RABGAP1L: variants seen among roughly 807,000 people sequenced by gnomAD.
RABGAP1L encodes rab GTPase-activating protein 1-like.
A neutral mutation model predicts 137.7 loss-of-function variants in RABGAP1L; 63 were observed. The observed-to-expected ratio is 0.46, with a 90% CI of 0.37 to 0.56. The LOEUF is 0.56. Among genes scored for constraint, RABGAP1L ranks in the 20% least tolerant of loss-of-function variants. The probability of loss-of-function intolerance (pLI) is 0.00; values close to 1 mark genes in which losing one functional copy is unlikely to be tolerated. For missense variants in RABGAP1L, 1,095 were observed against 1,244.0 expected (o/e 0.88, Z 1.80); for synonymous variants, 431 against 433.7 (o/e 0.99, Z 0.08).
chr1:174,246,939 G>A (rs908136709), intron 5 of RABGAP1L, among the ~76,000 whole-genome samples: 4 of 152,216 alleles, frequency 2.6e-5, no homozygotes, highest in African/African-American at 9.6e-5. Flanking sequence ...CAGCTTGTAA[G>A]ACATAGTATT....
Position 174,834,274 on chromosome 1 carries a change from A to C in RABGAP1L, c.2340+22314A>C, listed in dbSNP as rs1470164765. ...AAACCCTCTCTCTACTAAAAATACA[A>C]AATTAGCAGGGTGTGGTGGCACACG... On this transcript the variant is annotated intron_variant, in intron 19 of 25. Transcript: ENST00000681986. Among the ~76,000 whole-genome samples the C allele has an allele frequency of 2.0e-5, 3 of 152,030 alleles. No individual in the cohort carries two copies. In the East Asian group the frequency reaches 5.8e-4, roughly 29 times the overall value.
At chr1:174,227,901 G>A (rs116652541) in intron 3 of RABGAP1L, among the ~76,000 whole-genome samples, 299 of 149,164 alleles carry the variant, frequency 2.0e-3, no homozygotes, top group African/African-American at 7.1e-3. Context: ...AAATTAAAGA[G>A]CAAGGAATAG....
intron 19 of RABGAP1L, among the ~76,000 whole-genome samples, chr1:174,892,044 A>ACTTT: frequency 6.6e-6 from 1 of 152,364 alleles, no homozygotes; most frequent in South Asian, 2.1e-4. Context: ...AGTGGGCCAC[A>ACTTT]GTCCGGGTGG....
At chr1:174,853,877 GCT>G (rs752483900) in intron 19 of RABGAP1L, among the ~76,000 whole-genome samples, 2 of 152,164 alleles carry the variant, frequency 1.3e-5, no homozygotes, top group African/African-American at 4.8e-5. Context: ...GTCATGTTTG[GCT>G]CTCTCTGCAT....
chr1:174,373,557 T>C (rs758478763), intron 12 of RABGAP1L, among the ~76,000 whole-genome samples: 2 of 152,160 alleles, frequency 1.3e-5, no homozygotes, highest in African/African-American at 4.8e-5. Flanking sequence ...AGCTAGTGTT[T>C]AGAAAGAACT....
chr1:174,647,848 G>T (rs1183188873), intron 14 of RABGAP1L, among the ~76,000 whole-genome samples: 1 of 151,966 alleles, frequency 6.6e-6, no homozygotes, highest in Non-Finnish European at 1.5e-5. Flanking sequence ...GGCTTTATTT[G>T]GTTGGTAGGC....
chr1:174,824,672 G>A lies in RABGAP1L; in HGVS notation c.2340+12712G>A, dbSNP rs188499774. On this transcript the variant is annotated intron_variant, in intron 19 of 25. Coordinates refer to ENST00000681986, the MANE Select transcript of RABGAP1L (RefSeq NM_001366446.1). The stretch of plus-strand genomic sequence containing the variant: ...AATATAATTATATTAGATTTACTGA[G>A]TAATTTTTCATATTTTCATTTCTCC... Among the ~76,000 whole-genome samples, 453 of 152,168 alleles carry A rather than the reference G, an allele frequency of 3.0e-3. 1 individual carries two copies. The highest frequency in any genetic ancestry group is 0.01 in the African/African-American group (419 of 41,514).
chr1:174,416,359 A>T (rs924952742), intron 13 of RABGAP1L, among the ~76,000 whole-genome samples: 1 of 152,062 alleles, frequency 6.6e-6, no homozygotes, highest in African/African-American at 2.4e-5. Flanking sequence ...CTTGGACTCC[A>T]TCTTGTAGCA....
At chr1:174,704,513 T>C (rs1246207877) in intron 17 of RABGAP1L, among the ~76,000 whole-genome samples, 1 of 152,256 alleles carries the variant, frequency 6.6e-6, no homozygotes, top group South Asian at 2.1e-4. Context: ...TTTGTAAGCA[T>C]GTAAGAGTTT....
chr1:174,569,758 C>G (rs1667846323), intron 13 of RABGAP1L, among the ~76,000 whole-genome samples: 1 of 152,226 alleles, frequency 6.6e-6, no homozygotes, highest in Non-Finnish European at 1.5e-5. Flanking sequence ...TGTATTTTCT[C>G]AGCTTTCTTG....
At chr1:174,394,235 T>C (rs1647540328) in intron 13 of RABGAP1L, 90 bp downstream of exon 13, 1 of 1,454,852 alleles carries the variant, frequency 6.9e-7, no homozygotes, top group Admixed American at 2.1e-5. Context: ...ATAAATGCTT[T>C]GAACTTCTTC....
At chr1:174,804,551 G>A (rs1689085827) in intron 18 of RABGAP1L, among the ~76,000 whole-genome samples, 1 of 152,154 alleles carries the variant, frequency 6.6e-6, no homozygotes, top group East Asian at 1.9e-4. Flanking sequence ...GAGCTCAAGC[G>A]ATCTCTCCAG....
intron 14 of RABGAP1L, among the ~76,000 whole-genome samples, chr1:174,668,465 T>A (rs1676942268): frequency 1.3e-5 from 2 of 152,220 alleles, no homozygotes; most frequent in African/African-American, 4.8e-5. Context: ...CTGAGTAGTA[T>A]TCCATTGTAT....
rs760181639 is a variant in RABGAP1L, at chr1:174,833,449, G to GATATATATATATATATATATATATAT, written c.2340+21508_2340+21509insTATATATATATATATATATATATATA. Among the ~76,000 whole-genome samples, 235 of 27,756 alleles carry GATATATATATATATATATATATATAT rather than the reference G, an allele frequency of 8.5e-3. 13 individuals carry two copies. Among genetic ancestry groups the GATATATATATATATATATATATATAT allele is most frequent in the African/African-American group, 0.012 (189 of 15,148 alleles). 18.2% of individuals were successfully genotyped at this position (27,756 alleles called of 152,430 possible). A position where few individuals can be genotyped will look rare whatever the true frequency, so the allele number is the denominator to read the frequency against. Reference sequence around the variant, plus strand: ...ATATATATATGTGTGTGTGTGTAGAGATATATATATATATATATAGTAGAG... The same window carrying GATATATATATATATATATATATATAT: ...ATATATATATGTGTGTGTGTGTAGAGATATATATATATATATATATATATATATATATATATATATATATAGTAGAG... On this transcript the variant is annotated intron_variant, in intron 19 of 25. Transcript: ENST00000681986.
At chr1:174,682,302 A>C (rs1426103275) in intron 14 of RABGAP1L, among the ~76,000 whole-genome samples, 1 of 126,494 alleles carries the variant, frequency 7.9e-6, no homozygotes, top group Non-Finnish European at 1.5e-5. Context: ...CTCTCTATAC[A>C]TACATATATA....
intron 10 of RABGAP1L, among the ~76,000 whole-genome samples, chr1:174,285,693 C>A (rs1360543537): frequency 2.6e-5 from 4 of 152,196 alleles, no homozygotes; most frequent in Admixed American, 6.5e-5. Flanking sequence ...ACCCTTGTTA[C>A]TATTCACCTT....
At chr1:174,376,061 G>A (rs1262430060) in intron 12 of RABGAP1L, among the ~76,000 whole-genome samples, 1 of 151,382 alleles carries the variant, frequency 6.6e-6, no homozygotes, top group African/African-American at 2.4e-5. Flanking sequence ...GCAAGACTCT[G>A]TCAGAAAATA....
chr1:174,833,264 A>T (rs1450391714), intron 19 of RABGAP1L, among the ~76,000 whole-genome samples: 1 of 150,338 alleles, frequency 6.7e-6, no homozygotes. Flanking sequence ...TAGTGGTGTG[A>T]TCACAGCTCA....
intron 13 of RABGAP1L, among the ~76,000 whole-genome samples, chr1:174,596,418 T>A (rs1410703682): frequency 6.6e-6 from 1 of 152,198 alleles, no homozygotes; most frequent in Non-Finnish European, 1.5e-5. Flanking sequence ...TAGTTCTTAT[T>A]GTACAGATCT....
Sources: gnomAD v4.1 joint callset for allele counts (sites outside exome capture counted in the v4.1 genomes callset) on GRCh38, gnomAD v4.1.1 for gene constraint, MANE v1.5 for transcripts, NCBI Gene and HGNC (gene_info 2026-07-23, HGNC 2026-07-21) for gene names.